KCNMA1: variants seen among roughly 807,000 people sequenced by gnomAD.
KCNMA1 encodes the protein potassium calcium-activated channel subfamily M alpha 1.
Under a neutral mutation model 140.0 loss-of-function variants are expected in KCNMA1, and 29 were observed. The observed-to-expected ratio is 0.21, with a 90% confidence interval of 0.15 to 0.28. The LOEUF (loss-of-function observed/expected upper bound fraction) is 0.28. Among genes scored for constraint, KCNMA1 ranks in the 10% least tolerant of loss-of-function variants. The probability of loss-of-function intolerance (pLI) is 1.00; values close to 1 mark genes in which losing one functional copy is unlikely to be tolerated. For synonymous variants in KCNMA1, 612 were observed against 611.9 expected (o/e 1.00, Z 0.00); for missense variants, 880 against 1,602.2 (o/e 0.55, Z 7.70).
chr10:77,293,384 T>G (rs1231755764), intron 2 of KCNMA1, among the ~76,000 whole-genome samples: 1 of 152,146 alleles, frequency 6.6e-6, no homozygotes, highest in Non-Finnish European at 1.5e-5. Flanking sequence ...TCCTAAAGCA[T>G]GGTTCTGAGG....
At chr10:77,556,334 A>G (rs1420965048) in intron 1 of KCNMA1, among the ~76,000 whole-genome samples, 1 of 151,772 alleles carries the variant, frequency 6.6e-6, no homozygotes, top group Admixed American at 6.6e-5. Flanking sequence ...GTGAAACCCC[A>G]TCTCTGCTGA....
intron 2 of KCNMA1, among the ~76,000 whole-genome samples, chr10:77,281,227 G>A (rs996654301): frequency 1.3e-5 from 2 of 152,168 alleles, no homozygotes; most frequent in Non-Finnish European, 2.9e-5. Context: ...AAGTGCCACA[G>A]ACAACAGCAT....
chr10:77,476,847 T>C (rs2098290781), intron 1 of KCNMA1, among the ~76,000 whole-genome samples: 2 of 152,242 alleles, frequency 1.3e-5, no homozygotes, highest in East Asian at 1.9e-4. Context: ...CTGACTTATA[T>C]GCCATAAATA....
chr10:77,396,162 C>T (rs1332134847), intron 2 of KCNMA1, among the ~76,000 whole-genome samples: 1 of 152,146 alleles, frequency 6.6e-6, no homozygotes, highest in East Asian at 1.9e-4. Context: ...TAGCAGAGAG[C>T]AGGACATACC....
chr10:76,887,262 C>T lies in KCNMA1; in HGVS notation c.*4G>A, dbSNP rs199583789. The T allele has an allele frequency of 6.2e-7, 1 of 1,614,004 alleles. No individual in the cohort carries two copies. The highest frequency in any genetic ancestry group is 8.5e-7 in the Non-Finnish European group (1 of 1,179,980). ...GTTTCACACAGTGGCGGTGGATACA[C>T]ATATCAAAGCCGCTCTTCCTGCACG... On this transcript the variant is annotated 3_prime_UTR_variant, in exon 28 of 28. Transcript: ENST00000286628.
At chr10:77,199,170 G>T (rs528613418) in intron 3 of KCNMA1, among the ~76,000 whole-genome samples, 1 of 152,108 alleles carries the variant, frequency 6.6e-6, no homozygotes, top group African/African-American at 2.4e-5. Flanking sequence ...AAACTCAGAG[G>T]CTTAGTTGAA....
chr10:77,480,675 T>A (rs1333846415), intron 1 of KCNMA1, among the ~76,000 whole-genome samples: 1 of 152,158 alleles, frequency 6.6e-6, no homozygotes, highest in East Asian at 1.9e-4. Flanking sequence ...CAGGGACTGT[T>A]ACAGGCGCCT....
In KCNMA1 at chr10:76,919,982, T is replaced by TTGTGTGTGTGTGTG. The variant is rs1196371060; in HGVS notation, c.2903-4947_2903-4934dup. On this transcript the variant is annotated intron_variant, in intron 23 of 27. Coordinates refer to ENST00000286628, the MANE Select transcript of KCNMA1 (RefSeq NM_001161352.2). ...AATACTAATGAGAAGGCAATGAGCA[T>TTGTGTGTGTGTGTG]TGTGTGTGTGTGTGTGTGTGTGTGT... Among the ~76,000 whole-genome samples, 16 of 77,606 alleles carry TTGTGTGTGTGTGTG rather than the reference T, an allele frequency of 2.1e-4. 1 individual carries two copies. Among genetic ancestry groups the TTGTGTGTGTGTGTG allele is most frequent in the African/African-American group, 7.9e-4 (16 of 20,246 alleles). The allele number at this position is 77,606 out of a possible 152,430, so 50.9% of individuals were successfully genotyped here. A position where few individuals can be genotyped will look rare whatever the true frequency, so the allele number is the denominator to read the frequency against.
At chr10:77,094,913 C>G (rs970995792) in intron 9 of KCNMA1, among the ~76,000 whole-genome samples, 1 of 152,046 alleles carries the variant, frequency 6.6e-6, no homozygotes, top group African/African-American at 2.4e-5. Flanking sequence ...GTTGCCCAGG[C>G]TGGTCATGAA....
intron 5 of KCNMA1, among the ~76,000 whole-genome samples, chr10:77,166,555 G>A (rs932407681): frequency 8.5e-5 from 13 of 152,082 alleles, no homozygotes; most frequent in African/African-American, 3.1e-4. Flanking sequence ...TGATTCAGAG[G>A]AAGAGGAAGG....
At chr10:77,051,405 T>G (rs2095359579) in intron 14 of KCNMA1, among the ~76,000 whole-genome samples, 1 of 152,204 alleles carries the variant, frequency 6.6e-6, no homozygotes, top group South Asian at 2.1e-4. Context: ...AAATGGGTTA[T>G]TTGTGAGCCT....
rs957354771 is a variant in KCNMA1, at chr10:77,300,623, A to T, written c.541-49367T>A. ...ACAGCAGGTATTAAATCAATGGTGCATCTTTCTCATCAACGTATTTGAGTT... is the reference window on the plus strand; with the variant it reads ...ACAGCAGGTATTAAATCAATGGTGCTTCTTTCTCATCAACGTATTTGAGTT... On this transcript the variant is annotated intron_variant, in intron 2 of 27. Transcript: ENST00000286628. Among the ~76,000 whole-genome samples, 4 of 152,234 alleles carry T rather than the reference A, an allele frequency of 2.6e-5. No homozygotes were observed. In the East Asian group the frequency reaches 7.7e-4, roughly 29 times the overall value.
intron 12 of KCNMA1, among the ~76,000 whole-genome samples, chr10:77,083,097 A>T (rs1020236138): frequency 6.6e-6 from 1 of 152,066 alleles, no homozygotes; most frequent in Non-Finnish European, 1.5e-5. Context: ...TAGAGGGGGA[A>T]CCTTCGGCCC....
At chr10:77,037,597 T>TG (rs1387663686) in intron 15 of KCNMA1, among the ~76,000 whole-genome samples, 6 of 152,070 alleles carry the variant, frequency 3.9e-5, no homozygotes, top group African/African-American at 1.4e-4. Context: ...GCCTGGGGGT[T>TG]GGGGAGGGAG....
In KCNMA1 at chr10:77,002,428, T is replaced by C. The variant is rs144091669; in HGVS notation, c.2093-848A>G. 3.3e-4 allele frequency among the ~76,000 whole-genome samples: 50 copies of C among 152,296 alleles called. 2 individuals carry two copies. Among genetic ancestry groups the C allele is most frequent in the African/African-American group, 1.2e-3 (48 of 41,568 alleles). Reference sequence around the variant, plus strand: ...CATCTGCCTTTCTCTCCCCACCAAATAGAAATTCAGGAAGCAATCAGGCTA... The same window carrying C: ...CATCTGCCTTTCTCTCCCCACCAAACAGAAATTCAGGAAGCAATCAGGCTA... On this transcript the variant is annotated intron_variant, in intron 18 of 27. Transcript: ENST00000286628.
intron 19 of KCNMA1, chr10:76,973,226 C>A (rs2076585227): frequency 6.6e-6 from 1 of 152,168 alleles, no homozygotes; most frequent in Non-Finnish European, 1.5e-5. Context: ...AACCTGACTT[C>A]TTTAGAACAC....
chr10:77,509,763 G>A (rs2047671825), intron 1 of KCNMA1, among the ~76,000 whole-genome samples: 4 of 152,112 alleles, frequency 2.6e-5, no homozygotes, highest in Admixed American at 2.6e-4. Context: ...TTTATAATAA[G>A]AAAAACAAAA....
chr10:77,624,480 T>C (rs1031127479), intron 1 of KCNMA1, among the ~76,000 whole-genome samples: 2 of 152,166 alleles, frequency 1.3e-5, no homozygotes, highest in Non-Finnish European at 2.9e-5. Context: ...CTTAAATATG[T>C]CATCAAAGTC....
At chr10:77,611,709 C>G (rs2086966885) in intron 1 of KCNMA1, among the ~76,000 whole-genome samples, 1 of 152,134 alleles carries the variant, frequency 6.6e-6, no homozygotes, top group Non-Finnish European at 1.5e-5. Flanking sequence ...AGAAACTGTT[C>G]TACTGGTTTA....
Sources: gnomAD v4.1 joint callset for allele counts (sites outside exome capture counted in the v4.1 genomes callset) on GRCh38, gnomAD v4.1.1 for gene constraint, MANE v1.5 for transcripts, NCBI Gene and HGNC (gene_info 2026-07-23, HGNC 2026-07-21) for gene names.